SKI: variants seen among roughly 807,000 people sequenced by gnomAD.
SKI encodes SKI proto-oncogene, also known as ski oncogene.
SKI carries 23 observed loss-of-function variants against 59.3 expected under a neutral mutation model. That is an observed-to-expected ratio of 0.39 (90% confidence interval 0.28 to 0.55). The LOEUF is 0.55. Among genes scored for constraint, SKI ranks in the 20% least tolerant of loss-of-function variants. The pLI is 0.67. For missense variants in SKI, 1,017 were observed against 1,038.9 expected, an observed-to-expected ratio of 0.98 and a Z score of 0.29; for synonymous variants, 673 against 488.6, an observed-to-expected ratio of 1.38 and a Z score of -4.98.
At chr1:2,300,210 C>T (rs1323229753) in intron 1 of SKI, among the ~76,000 whole-genome samples, 5 of 152,340 alleles carry the variant, frequency 3.3e-5, no homozygotes, top group Admixed American at 6.5e-5. Flanking sequence ...GGGAAGTGGC[C>T]GCGGGGCAGC....
chr1:2,286,039 A>G (rs1640034708), intron 1 of SKI, among the ~76,000 whole-genome samples: 1 of 151,678 alleles, frequency 6.6e-6, no homozygotes. Context: ...ACACCCGGCT[A>G]ATTTTTGTAT....
Position 2,268,737 on chromosome 1 carries a change from C to T in SKI, c.970-34241C>T, listed in dbSNP as rs1429866674. Among the ~76,000 whole-genome samples the T allele has an allele frequency of 6.6e-6, 1 of 152,178 alleles. No homozygotes were observed. The highest frequency in any genetic ancestry group is 1.9e-4 in the East Asian group (1 of 5,182). On this transcript the variant is annotated intron_variant, in intron 1 of 6. Coordinates refer to ENST00000378536, the MANE Select transcript of SKI (RefSeq NM_003036.4). The surrounding 1 kb of genome is among the most constrained non-coding windows in gnomAD (Gnocchi z 5.0). ...GTGCCCAGGGGCTGTAGGTGCAGTC[C>T]AGGGAGAGGCCATGACAGGAGTGGG...
intron 1 of SKI, among the ~76,000 whole-genome samples, chr1:2,257,981 G>T (rs1471953419): frequency 1.3e-5 from 2 of 152,112 alleles, no homozygotes; most frequent in East Asian, 3.9e-4. Flanking sequence ...CAGGTGATCT[G>T]CCCGCCTCAG....
chr1:2,265,427 G>T (rs997088942), intron 1 of SKI, among the ~76,000 whole-genome samples: 1 of 152,100 alleles, frequency 6.6e-6, no homozygotes, highest in South Asian at 2.1e-4. Context: ...CCATATAGCG[G>T]ATGTTTCATC....
At chr1:2,235,601 T>C (rs1464310934) in intron 1 of SKI, among the ~76,000 whole-genome samples, 1 of 152,234 alleles carries the variant, frequency 6.6e-6, no homozygotes. Flanking sequence ...TTGGTTTCAC[T>C]GTGTGGTACT....
In SKI at chr1:2,273,835, G is replaced by A. The variant is rs549300262; in HGVS notation, c.970-29143G>A. ...GCCCTCCTGTCTGTTCTGTGGACCG[G>A]GTGCGGATGGGCCGTGCAGGCAGAC... On this transcript the variant is annotated intron_variant, in intron 1 of 6. Coordinates refer to ENST00000378536, the MANE Select transcript of SKI (RefSeq NM_003036.4). Among the ~76,000 whole-genome samples the A allele has an allele frequency of 4.6e-5, 7 of 152,302 alleles. No individual in the cohort carries two copies. The East Asian group carries it at 1.4e-3, about 29-fold the overall frequency.
At chr1:2,265,441 A>C (rs1639482525) in intron 1 of SKI, among the ~76,000 whole-genome samples, 1 of 152,118 alleles carries the variant, frequency 6.6e-6, no homozygotes, top group Non-Finnish European at 1.5e-5. Context: ...TTTCATCTCT[A>C]GAAGTTTGAT....
rs373068351 is a variant in SKI, at chr1:2,303,311, G to T, written c.1122G>T (p.Gln374His). 6.2e-7 allele frequency: 1 copy of T among 1,613,734 alleles called. No individual in the cohort carries two copies. Among genetic ancestry groups the T allele is most frequent in the African/African-American group, 1.3e-5 (1 of 74,930 alleles). Residue 374 changes from glutamine (Q) to histidine (H), a missense_variant, in exon 3 of 7, where the codon CAG becomes CAT. By Grantham distance (24) the Gln-to-His change is conservative (BLOSUM62 0). Coordinates refer to ENST00000378536, the MANE Select transcript of SKI (RefSeq NM_003036.4). This position sits in a 1 kb window ranked among gnomAD's most constrained non-coding sequence, Gnocchi z 5.6. ...NKSLGCVHPR[Q>H]RLSAFRPWSP... is the part of the protein sequence containing the mutation. Reference sequence around the variant, plus strand: ...GCCTGGGCTGTGTTCACCCTCGCCAGCGCCTCTCTGCTTTCCGACCCTGGT... The same window carrying T: ...GCCTGGGCTGTGTTCACCCTCGCCATCGCCTCTCTGCTTTCCGACCCTGGT...
rs200019352 is a variant in SKI at position 2,228,865 on chromosome 1, C to G, written c.99C>G (p.Gly33=). Reference sequence around the variant, plus strand: ...ACCTGAGCTCCATGAGCTCGCTGGGCGGCCCGGCCGCTTTCTCGGCGCGCT... The same window carrying G: ...ACCTGAGCTCCATGAGCTCGCTGGGGGGCCCGGCCGCTTTCTCGGCGCGCT... ...QFHLSSMSSL[G]GPAAFSARWA... The change falls in exon 1 of 7, where the codon GGC becomes GGG. Residue 33 remains glycine, a synonymous_variant. Transcript: ENST00000378536. 0.021 allele frequency: 29,388 copies of G among 1,428,256 alleles called. 365 individuals carry two copies. The highest frequency in any genetic ancestry group is 0.024 in the Non-Finnish European group (26,217 of 1,086,982). 88.5% of individuals were successfully genotyped at this position (1,428,256 alleles called of 1,614,324 possible). A position where few individuals can be genotyped will look rare whatever the true frequency, so the allele number is the denominator to read the frequency against.
intron 1 of SKI, among the ~76,000 whole-genome samples, chr1:2,283,432 C>T (rs921320490): frequency 1.2e-4 from 18 of 152,184 alleles, no homozygotes; most frequent in Non-Finnish European, 1.6e-4. Context: ...CTTTTGAGGA[C>T]AGAGTCTTGG....
chr1:2,266,242 C>T (rs1639497607), intron 1 of SKI, among the ~76,000 whole-genome samples: 1 of 152,174 alleles, frequency 6.6e-6, no homozygotes. Context: ...GGCCTGTTGT[C>T]TCTAAATCTT....
At chr1:2,300,668 C>T (rs1043335244) in intron 1 of SKI, among the ~76,000 whole-genome samples, 3 of 152,222 alleles carry the variant, frequency 2.0e-5, no homozygotes, top group African/African-American at 4.8e-5. Flanking sequence ...CGTTTCTCTC[C>T]GTTTCTCTGA....
At chr1:2,284,752 G>A (rs1412287311) in intron 1 of SKI, among the ~76,000 whole-genome samples, 3 of 152,184 alleles carry the variant, frequency 2.0e-5, no homozygotes, top group Non-Finnish European at 4.4e-5. Context: ...AGTCAGGGAG[G>A]GGTGGATGGC....
intron 1 of SKI, among the ~76,000 whole-genome samples, chr1:2,246,902 T>G (rs1639012105): frequency 6.6e-6 from 1 of 152,118 alleles, no homozygotes; most frequent in Admixed American, 6.5e-5. Context: ...CCAGGCTGCT[T>G]CTGCTTTCTG....
At chr1:2,258,066 T>G (rs563652016) in intron 1 of SKI, among the ~76,000 whole-genome samples, 1 of 152,248 alleles carries the variant, frequency 6.6e-6, no homozygotes, top group Non-Finnish European at 1.5e-5. Context: ...AATGTTGACA[T>G]TTTAAGCATT....
At chr1:2,301,564 G>A (rs971558498) in intron 1 of SKI, among the ~76,000 whole-genome samples, 2 of 151,582 alleles carry the variant, frequency 1.3e-5, no homozygotes, top group African/African-American at 4.9e-5. Flanking sequence ...CTTCCCCCAG[G>A]GCCCTCCATC....
chr1:2,263,301 G>C lies in SKI; in HGVS notation c.969+33566G>C, dbSNP rs1438128534. ...CGCCCAGGCTGGAGTGCAGTGACACGATCTTGGCTTGCTGGAACCTCCGCC... is the reference window on the plus strand; with the variant it reads ...CGCCCAGGCTGGAGTGCAGTGACACCATCTTGGCTTGCTGGAACCTCCGCC... On this transcript the variant is annotated intron_variant, in intron 1 of 6. Transcript: ENST00000378536. Among the ~76,000 whole-genome samples the C allele has an allele frequency of 2.0e-5, 3 of 147,036 alleles. No homozygotes were observed. In the Admixed American group the frequency reaches 2.1e-4, roughly 10 times the overall value.
chr1:2,258,519 T>C (rs1384998780), intron 1 of SKI, among the ~76,000 whole-genome samples: 4 of 151,290 alleles, frequency 2.6e-5, no homozygotes, highest in South Asian at 2.1e-4. Context: ...TTTTTTTTTT[T>C]CTCCCATGAG....
At chr1:2,242,011 G>A (rs1422720006) in intron 1 of SKI, among the ~76,000 whole-genome samples, 1 of 152,102 alleles carries the variant, frequency 6.6e-6, no homozygotes, top group African/African-American at 2.4e-5. Context: ...TGCTGTGATG[G>A]GCTGTGGGGA....
Sources: gnomAD v4.1 joint callset for allele counts (sites outside exome capture counted in the v4.1 genomes callset) on GRCh38, gnomAD v4.1.1 for gene constraint, Gnocchi (gnomAD v3.1) non-coding constraint, MANE v1.5 for transcripts, NCBI Gene and HGNC (gene_info 2026-07-23, HGNC 2026-07-21) for gene names.